Variants in CSMD1 observed in about 807,000 individuals in gnomAD.
The protein encoded by CSMD1 is CUB and Sushi multiple domains 1, also known as CUB and sushi domain-containing protein 1.
Under a neutral mutation model 417.5 loss-of-function variants are expected in CSMD1, and 213 were observed. The ratio of observed to expected loss-of-function variants is 0.51; its 90% confidence interval spans 0.46 to 0.57. The LOEUF (loss-of-function observed/expected upper bound fraction) is 0.57. CSMD1 is among the 20% of genes least tolerant of loss of function. CSMD1 has a pLI of 0.00. For synonymous variants in CSMD1, 2,862 were observed against 1,736.8 expected, an observed-to-expected ratio of 1.65 and a Z score of -16.11; for missense variants, 6,923 against 4,529.7, an observed-to-expected ratio of 1.53 and a Z score of -15.17.
At chr8:4,199,086 C>T (rs1007068535) in intron 3 of CSMD1, among the ~76,000 whole-genome samples, 5 of 152,240 alleles carry the variant, frequency 3.3e-5, no homozygotes, top group East Asian at 1.9e-4. Flanking sequence ...GTAGAGCCAG[C>T]GCCCAGCTCA....
chr8:3,390,374 A>G (rs1811278307), intron 17 of CSMD1, among the ~76,000 whole-genome samples: 1 of 151,426 alleles, frequency 6.6e-6, no homozygotes. Flanking sequence ...AAAAAAAAAA[A>G]AAAAAGGAAT....
intron 3 of CSMD1, among the ~76,000 whole-genome samples, chr8:4,168,963 A>G (rs1458091266): frequency 7.2e-5 from 11 of 152,058 alleles, no homozygotes; most frequent in Non-Finnish European, 1.5e-5. Context: ...CATCTCTGCT[A>G]TCCTCAGGCC....
rs1308890600 is a variant in CSMD1, at chr8:3,289,062, G to T, written c.3951-4716C>A. On this transcript the variant is annotated intron_variant, in intron 25 of 69. Transcript: ENST00000635120. ...TCATTGTTCAATTCCCACCTATGAGGGAGAACATGCGGTATTTAGTTTTTT... is the reference window on the plus strand; with the variant it reads ...TCATTGTTCAATTCCCACCTATGAGTGAGAACATGCGGTATTTAGTTTTTT... Among the ~76,000 whole-genome samples, 4 of 146,828 alleles carry T rather than the reference G, an allele frequency of 2.7e-5. 1 individual carries two copies. The highest frequency in any genetic ancestry group is 2.0e-4 in the East Asian group (1 of 5,062).
chr8:3,741,804 C>G (rs1796819293), intron 6 of CSMD1, among the ~76,000 whole-genome samples: 1 of 152,108 alleles, frequency 6.6e-6, no homozygotes, highest in Non-Finnish European at 1.5e-5. Flanking sequence ...CCCTCCATGG[C>G]CCTTCTACCC....
At chr8:4,446,810 C>G (rs74476954) in intron 2 of CSMD1, among the ~76,000 whole-genome samples, 1 of 139,392 alleles carries the variant, frequency 7.2e-6, no homozygotes, top group Admixed American at 7.1e-5. Context: ...TTTAGTAGAG[C>G]CAAGTTTTCT....
chr8:3,557,485 AAAC>A (rs1050791127), intron 10 of CSMD1, among the ~76,000 whole-genome samples: 1 of 152,048 alleles, frequency 6.6e-6, no homozygotes, highest in African/African-American at 2.4e-5. Context: ...AAGATAATTT[AAAC>A]AACATGTCTC....
At chr8:4,806,548 T>A (rs1798598952) in intron 1 of CSMD1, among the ~76,000 whole-genome samples, 1 of 152,204 alleles carries the variant, frequency 6.6e-6, no homozygotes, top group Non-Finnish European at 1.5e-5. Context: ...GCTACTAGCA[T>A]ATTAACAAAG....
chr8:3,391,898 G>T (rs1423798740), intron 17 of CSMD1, among the ~76,000 whole-genome samples: 3 of 152,168 alleles, frequency 2.0e-5, no homozygotes, highest in African/African-American at 7.2e-5. Flanking sequence ...TGAAACAGAA[G>T]AGATGAGCAA....
At chr8:4,155,216 G>C (rs906969482) in intron 3 of CSMD1, among the ~76,000 whole-genome samples, 4 of 152,176 alleles carry the variant, frequency 2.6e-5, no homozygotes, top group African/African-American at 9.7e-5. Context: ...AACAGAGCCA[G>C]ATGACTGGGT....
In CSMD1 at chr8:3,042,093, C is replaced by T. The variant is rs559455805; in HGVS notation, c.7660+10369G>A. 3.3e-5 allele frequency among the ~76,000 whole-genome samples: 5 copies of T among 152,296 alleles called. No individual in the cohort carries two copies. In the South Asian group the frequency reaches 1.0e-3, roughly 32 times the overall value. On this transcript the variant is annotated intron_variant, in intron 50 of 69. Coordinates refer to ENST00000635120, the MANE Select transcript of CSMD1 (RefSeq NM_033225.6). ...CACAATGGTTTCCAGCACCTGCCAA[C>T]TCTGTTCCCAAGCCACCCAGGCAGG...
intron 1 of CSMD1, among the ~76,000 whole-genome samples, chr8:4,711,588 G>C (rs188067629): frequency 6.6e-6 from 1 of 151,810 alleles, no homozygotes; most frequent in Non-Finnish European, 1.5e-5. Context: ...AAATATATTG[G>C]TACTAAATTA....
intron 1 of CSMD1, among the ~76,000 whole-genome samples, chr8:4,706,247 C>T (rs1807934312): frequency 6.6e-6 from 1 of 151,856 alleles, no homozygotes; most frequent in African/African-American, 2.4e-5. Context: ...AGTCCCACAA[C>T]ATATCTGACC....
intron 10 of CSMD1, among the ~76,000 whole-genome samples, chr8:3,499,791 G>C (rs7012083): frequency 0.63 from 95,129 of 151,750 alleles, 30,006 homozygotes; most frequent in East Asian, 0.69. Context: ...GTGGGATGAT[G>C]GCTGCGTTCT....
At chr8:3,199,653 C>T (rs939190503) in intron 33 of CSMD1, 61 bp downstream of exon 33, 14 of 1,091,666 alleles carry the variant, frequency 1.3e-5, no homozygotes, top group Middle Eastern at 2.3e-4. Flanking sequence ...TGAGACTAGC[C>T]GTGGGTGCAG....
chr8:3,037,521 A>G (rs1025073572), intron 50 of CSMD1, among the ~76,000 whole-genome samples: 1 of 152,092 alleles, frequency 6.6e-6, no homozygotes, highest in Non-Finnish European at 1.5e-5. Flanking sequence ...TGTGGATTTC[A>G]TATCTTTGCT....
At chr8:4,410,672 G>A (rs1023201807) in intron 3 of CSMD1, among the ~76,000 whole-genome samples, 2 of 152,024 alleles carry the variant, frequency 1.3e-5, no homozygotes, top group African/African-American at 4.8e-5. Flanking sequence ...CCTGACACAA[G>A]AGTATACTGG....
At chr8:3,297,165 C>T (rs948634968) in intron 25 of CSMD1, among the ~76,000 whole-genome samples, 2 of 152,040 alleles carry the variant, frequency 1.3e-5, no homozygotes, top group Admixed American at 1.3e-4. Flanking sequence ...ATCATTGAGA[C>T]AAATCATACA....
chr8:3,461,791 CTT>C (rs1302792436), intron 12 of CSMD1, among the ~76,000 whole-genome samples: 1 of 152,208 alleles, frequency 6.6e-6, no homozygotes, highest in Non-Finnish European at 1.5e-5. Context: ...TGGGGACTCT[CTT>C]ACGTGTGATA....
chr8:3,844,309 T>G lies in CSMD1; in HGVS notation c.819-90267A>C, dbSNP rs182278718. Among the ~76,000 whole-genome samples, 6 of 152,156 alleles carry G rather than the reference T, an allele frequency of 3.9e-5. No individual in the cohort carries two copies. The East Asian group carries it at 1.2e-3, about 29-fold the overall frequency. ...AGTCAAGGAAAATTAATAACAGCAT[T>G]GGTGGATCAATTTCAAGTCAATGAC... On this transcript the variant is annotated intron_variant, in intron 5 of 69. Coordinates refer to ENST00000635120, the MANE Select transcript of CSMD1 (RefSeq NM_033225.6).
Sources: allele counts gnomAD v4.1 joint callset (sites outside exome capture counted in the v4.1 genomes callset), GRCh38; gene constraint gnomAD v4.1.1; transcripts MANE v1.5; gene names NCBI Gene and HGNC (gene_info 2026-07-23, HGNC 2026-07-21).